MAP4K3: variants seen among roughly 807,000 people sequenced by gnomAD.
MAP4K3 encodes mitogen-activated protein kinase kinase kinase kinase 3.
Under a neutral mutation model 143.5 loss-of-function variants are expected in MAP4K3, and 94 were observed. That is an observed-to-expected ratio of 0.65 (90% confidence interval 0.55 to 0.78). MAP4K3 has a LOEUF of 0.78. Ranked by LOEUF, MAP4K3 falls within the 30% of genes least tolerant of loss-of-function variation. The pLI is 0.00. For missense variants in MAP4K3, 1,077 were observed against 1,068.1 expected (o/e 1.01, Z -0.12); for synonymous variants, 416 against 347.2 (o/e 1.20, Z -2.20).
At chr2:39,340,142 C>T (rs1573172637) in intron 4 of MAP4K3, among the ~76,000 whole-genome samples, 3 of 151,982 alleles carry the variant, frequency 2.0e-5, no homozygotes, top group Admixed American at 1.3e-4. Flanking sequence ...AAAGAACTTC[C>T]CCTTCATTAA....
At chr2:39,293,194 G>T in intron 17 of MAP4K3, 36 bp downstream of exon 17, 1 of 1,429,024 alleles carries the variant, frequency 7.0e-7, no homozygotes, top group Non-Finnish European at 9.6e-7. Flanking sequence ...ACTTGTCTGT[G>T]ACATAAAGTA....
chr2:39,298,627 T>C (rs766247148), intron 16 of MAP4K3, among the ~76,000 whole-genome samples: 5 of 152,144 alleles, frequency 3.3e-5, no homozygotes, highest in Non-Finnish European at 5.9e-5. Context: ...ACTTAAAATA[T>C]GGGAATATAT....
intron 1 of MAP4K3, among the ~76,000 whole-genome samples, chr2:39,396,775 A>G (rs1273297693): frequency 6.6e-6 from 1 of 152,194 alleles, no homozygotes; most frequent in South Asian, 2.1e-4. Context: ...GCCCAGCCCC[A>G]AATTTTTAAC....
chr2:39,430,959 C>A (rs1003530280), intron 1 of MAP4K3, among the ~76,000 whole-genome samples: 1 of 152,158 alleles, frequency 6.6e-6, no homozygotes, highest in Non-Finnish European at 1.5e-5. Flanking sequence ...TTGTTCCTCT[C>A]GTGTTGGTTC....
rs113778315 is a variant in MAP4K3, at chr2:39,276,775, G to A, written c.1794+1632C>T. On this transcript the variant is annotated intron_variant, in intron 24 of 33. Coordinates refer to ENST00000263881, the MANE Select transcript of MAP4K3 (RefSeq NM_003618.4). ...GTAGGTTGTTTTATGTTCCTGACTC[G>A]TGGGTACTAAATGATAAAAGCTCCC... Among the ~76,000 whole-genome samples, 517 of 152,292 alleles carry A rather than the reference G, an allele frequency of 3.4e-3. 3 individuals are homozygous for A. The highest frequency in any genetic ancestry group is 0.012 in the African/African-American group (494 of 41,556).
intron 1 of MAP4K3, among the ~76,000 whole-genome samples, chr2:39,408,723 T>C (rs1175853362): frequency 2.6e-5 from 4 of 151,338 alleles, no homozygotes; most frequent in Non-Finnish European, 4.4e-5. Flanking sequence ...AGCTAACAGA[T>C]ACCAAACCAG....
intron 1 of MAP4K3, among the ~76,000 whole-genome samples, chr2:39,411,590 C>A (rs939283086): frequency 6.6e-6 from 1 of 152,234 alleles, no homozygotes. Flanking sequence ...ATCCATTTCT[C>A]TGATGACCAC....
At chr2:39,304,148 AT>A (rs58878976) in intron 15 of MAP4K3, among the ~76,000 whole-genome samples, 95,890 of 143,932 alleles carry the variant, frequency 0.67, 35,325 homozygotes, top group Non-Finnish European at 0.83. Flanking sequence ...TAATTATCTG[AT>A]TTTTTTTTTT....
chr2:39,262,689 G>A (rs922936349), intron 28 of MAP4K3, among the ~76,000 whole-genome samples: 1 of 152,258 alleles, frequency 6.6e-6, no homozygotes, highest in South Asian at 2.1e-4. Context: ...TATTGTCCTC[G>A]AGGGCAGCAA....
chr2:39,272,150 A>T, intron 26 of MAP4K3, 133 bp downstream of exon 26: 1 of 606,014 alleles, frequency 1.7e-6, no homozygotes. Context: ...AGCACTTGTT[A>T]ATGTATATTA....
chr2:39,337,279 G>C (rs985409330), intron 5 of MAP4K3, among the ~76,000 whole-genome samples: 8 of 152,070 alleles, frequency 5.3e-5, no homozygotes, highest in Admixed American at 6.6e-5. Context: ...TTGGTATTAA[G>C]AGGAAAATAT....
At chr2:39,325,486 T>C (rs1683457512) in intron 12 of MAP4K3, 32 bp downstream of exon 12, 1 of 1,468,516 alleles carries the variant, frequency 6.8e-7, no homozygotes, top group Non-Finnish European at 9.5e-7. Flanking sequence ...ATATACATGT[T>C]ATATATGCCC....
chr2:39,264,488 T>C (rs916960534), intron 28 of MAP4K3, among the ~76,000 whole-genome samples: 3 of 152,288 alleles, frequency 2.0e-5, no homozygotes, highest in East Asian at 1.9e-4. Flanking sequence ...AACATCTTAA[T>C]ACTATAAAAT....
intron 1 of MAP4K3, among the ~76,000 whole-genome samples, chr2:39,410,316 T>G (rs552236304): frequency 1.3e-5 from 2 of 152,332 alleles, no homozygotes; most frequent in African/African-American, 4.8e-5. Flanking sequence ...TGGAGTTCCC[T>G]GTATTCACGC....
At chr2:39,398,148 C>T (rs141852810) in intron 1 of MAP4K3, among the ~76,000 whole-genome samples, 41 of 152,260 alleles carry the variant, frequency 2.7e-4, no homozygotes, top group East Asian at 1.2e-3. Flanking sequence ...GAAACCATCA[C>T]GAAACCTACA....
intron 3 of MAP4K3, among the ~76,000 whole-genome samples, chr2:39,352,131 A>C (rs1240368144): frequency 6.6e-6 from 1 of 152,126 alleles, no homozygotes; most frequent in Non-Finnish European, 1.5e-5. Flanking sequence ...TCTCTACTAA[A>C]AATACAAAAA....
intron 11 of MAP4K3, 47 bp downstream of exon 11, chr2:39,325,683 T>A: frequency 6.4e-7 from 1 of 1,557,170 alleles, no homozygotes; most frequent in Non-Finnish European, 8.8e-7. Flanking sequence ...TTGAATAACA[T>A]TTTATCTTTT....
At chr2:39,427,159 C>A (rs1460998148) in intron 1 of MAP4K3, among the ~76,000 whole-genome samples, 1 of 151,692 alleles carries the variant, frequency 6.6e-6, no homozygotes, top group Non-Finnish European at 1.5e-5. Context: ...AACCAGAAGA[C>A]AACAAAAGAT....
chr2:39,272,610 A>T, intron 24 of MAP4K3, 68 bp from the exon 25 acceptor site: 1 of 1,250,886 alleles, frequency 8.0e-7, no homozygotes. Context: ...TGTACACAGT[A>T]ATCACGTAAG....
Sources: gnomAD v4.1 joint callset for allele counts (sites outside exome capture counted in the v4.1 genomes callset) on GRCh38, gnomAD v4.1.1 for gene constraint, MANE v1.5 for transcripts, NCBI Gene and HGNC (gene_info 2026-07-23, HGNC 2026-07-21) for gene names.